Variants in ZNF469 observed in about 807,000 individuals in gnomAD.
The protein encoded by ZNF469 is zinc finger protein 469.
A neutral mutation model predicts 1.0 loss-of-function variants in ZNF469; 1 was observed. The ratio of observed to expected loss-of-function variants is 1.00; its 90% CI spans 0.35 to 4.73. ZNF469 has a LOEUF of 4.73. ZNF469 is among the 30% of genes most tolerant of loss of function. ZNF469 has a pLI of 0.16. For missense variants in ZNF469, 6,100 were observed against 5,356.3 expected (o/e 1.14, Z -4.33); for synonymous variants, 2,703 against 2,363.4 (o/e 1.14, Z -4.17).
chr16:88,435,627 T>G lies in ZNF469; in HGVS notation c.8157T>G (p.Thr2719=). The stretch of plus-strand genomic sequence containing the variant: ...AGGAGGCTCTGTGTGCAGGGGAGAC[T>G]GGGGCCCAGAAGCCACCTGGAGATC... ...TDQEALCAGE[T]GAQKPPGDRM... The change falls in exon 3 of 3, where the codon ACT becomes ACG. Residue 2719 remains threonine (T), a synonymous_variant. Transcript: ENST00000565624. The G allele has an allele frequency of 6.5e-7, 1 of 1,550,304 alleles. No homozygotes were observed. Among genetic ancestry groups the G allele is most frequent in the Non-Finnish European group, 8.7e-7 (1 of 1,146,952 alleles).
chr16:88,440,416 A>G lies in ZNF469; in HGVS notation c.*1084A>G, dbSNP rs1365003397. On this transcript the variant is annotated 3_prime_UTR_variant, in exon 3 of 3. Coordinates refer to ENST00000565624, the MANE Select transcript of ZNF469 (RefSeq NM_001367624.2). Reference sequence around the variant, plus strand: ...TGCACCGACCCAACCCAGGCCTGGGACGCACGTGTCCTCTCACAGCGTCGT... The same window carrying G: ...TGCACCGACCCAACCCAGGCCTGGGGCGCACGTGTCCTCTCACAGCGTCGT... The G allele has an allele frequency of 2.0e-5, 3 of 151,542 alleles. No individual in the cohort carries two copies. The highest frequency in any genetic ancestry group is 4.4e-5 in the Non-Finnish European group (3 of 67,896). 9.4% of individuals were successfully genotyped at this position (151,542 alleles called of 1,614,324 possible).
chr16:88,101,821 A>G, the ZNF469 span, among the ~76,000 whole-genome samples: 2 of 152,310 alleles, frequency 1.3e-5, no homozygotes, highest in East Asian at 3.9e-4. Flanking sequence ...TGACAATCGC[A>G]GCTTCCAAAC....
the ZNF469 span, among the ~76,000 whole-genome samples, chr16:88,133,998 G>C: frequency 6.6e-6 from 1 of 152,212 alleles, no homozygotes; most frequent in African/African-American, 2.4e-5. Context: ...GAGAGGCTGA[G>C]GCAGGACAAT....
At chr16:88,371,464 A>G in the ZNF469 span, among the ~76,000 whole-genome samples, 1 of 152,224 alleles carries the variant, frequency 6.6e-6, no homozygotes, top group Non-Finnish European at 1.5e-5. Context: ...GGCCAGGCAG[A>G]TCTGATCATC....
At chr16:88,399,565 A>G (rs11076690) in intron 1 of ZNF469, among the ~76,000 whole-genome samples, 39,134 of 152,208 alleles carry the variant, frequency 0.26, 5,614 homozygotes, top group African/African-American at 0.39. Context: ...AGGCTGGAGC[A>G]GGGACAACCT....
the ZNF469 span, among the ~76,000 whole-genome samples, chr16:88,152,166 A>C: frequency 6.6e-6 from 1 of 152,232 alleles, no homozygotes; most frequent in Non-Finnish European, 1.5e-5. The surrounding 1 kb of genome is among the most constrained non-coding windows in gnomAD (Gnocchi z 4.2). Context: ...AACAATTCTG[A>C]GAACTGTAGC....
the ZNF469 span, among the ~76,000 whole-genome samples, chr16:88,203,922 G>T: frequency 6.6e-6 from 1 of 152,310 alleles, no homozygotes. Context: ...TAGCAAGTGT[G>T]GGTTTTGAAA....
intron 1 of ZNF469, among the ~76,000 whole-genome samples, chr16:88,409,181 G>A (rs1472292143): frequency 1.3e-5 from 2 of 152,242 alleles, no homozygotes; most frequent in East Asian, 1.9e-4. Context: ...GATGTGTCTG[G>A]GCTCAGGTCA....
rs981130895 is a variant in ZNF469, at chr16:88,438,183, G to A, written c.10713G>A (p.Leu3571=). 4.5e-6 allele frequency: 7 copies of A among 1,548,868 alleles called. No homozygotes were observed. Among genetic ancestry groups the A allele is most frequent in the African/African-American group, 1.4e-5 (1 of 73,032 alleles). The change falls in exon 3 of 3, where the codon CTG becomes CTA. Residue 3571 remains leucine, a synonymous_variant. Coordinates refer to ENST00000565624, the MANE Select transcript of ZNF469 (RefSeq NM_001367624.2). The part of the protein sequence containing the change: ...ALADGRGDCA[L]DGALERPENE... Reference sequence around the variant, plus strand: ...CTGATGGCAGAGGAGACTGCGCGCTGGACGGAGCCCTGGAGAGGCCAGAGA... The same window carrying A: ...CTGATGGCAGAGGAGACTGCGCGCTAGACGGAGCCCTGGAGAGGCCAGAGA...
chr16:88,426,903 A>C lies in ZNF469; in HGVS notation c.-126-442A>C, dbSNP rs143634267. Reference sequence around the variant, plus strand: ...TCAAGGCCCTCCCCATGGCAGGTGTAAGCATCCACCTGGGCCCTCCTGGAC... The same window carrying C: ...TCAAGGCCCTCCCCATGGCAGGTGTCAGCATCCACCTGGGCCCTCCTGGAC... On this transcript the variant is annotated intron_variant, in intron 2 of 2. Transcript: ENST00000565624. 2.1e-3 allele frequency among the ~76,000 whole-genome samples: 325 copies of C among 152,180 alleles called. 1 individual carries two copies. The highest frequency in any genetic ancestry group is 7.3e-3 in the African/African-American group (305 of 41,520).
At chr16:88,154,118 C>G in the ZNF469 span, among the ~76,000 whole-genome samples, 2 of 152,190 alleles carry the variant, frequency 1.3e-5, no homozygotes, top group Non-Finnish European at 2.9e-5. Context: ...CCTTGCCAAG[C>G]CTTCATGCTT....
rs1906243269 is a variant in ZNF469 at position 88,432,202 on chromosome 16, A to T, written c.4732A>T (p.Ser1578Cys). 5.8e-6 allele frequency: 9 copies of T among 1,550,152 alleles called. No individual in the cohort carries two copies. The highest frequency in any genetic ancestry group is 7.0e-6 in the Non-Finnish European group (8 of 1,146,964). ...CGAATTAGAAAGTCAGCTGCAAAGG[A>T]GCAAAGACACACGTGGGGCCCCGAG... ...VTELESQLQR[S>C]KDTRGAPREL... Residue 1578 changes from serine to cysteine, a missense_variant, in exon 3 of 3, where the codon AGC (serine) becomes TGC (cysteine). Coordinates refer to ENST00000565624, the MANE Select transcript of ZNF469 (RefSeq NM_001367624.2).
the ZNF469 span, among the ~76,000 whole-genome samples, chr16:88,265,827 C>A: frequency 6.6e-6 from 1 of 152,250 alleles, no homozygotes; most frequent in Non-Finnish European, 1.5e-5. Flanking sequence ...CCGCTGGCTT[C>A]TCCACTCCCT....
chr16:88,313,802 T>C, the ZNF469 span, among the ~76,000 whole-genome samples: 1 of 151,850 alleles, frequency 6.6e-6, no homozygotes, highest in Non-Finnish European at 1.5e-5. Flanking sequence ...TGCTGTGGAC[T>C]GTCATCTCTG....
At chr16:88,375,189 C>T in the ZNF469 span, among the ~76,000 whole-genome samples, 1 of 152,218 alleles carries the variant, frequency 6.6e-6, no homozygotes, top group Non-Finnish European at 1.5e-5. Context: ...GAAAACAAGT[C>T]ACCCAGAAAA....
the ZNF469 span, among the ~76,000 whole-genome samples, chr16:88,139,811 G>C: frequency 6.6e-6 from 1 of 152,210 alleles, no homozygotes; most frequent in Non-Finnish European, 1.5e-5. Context: ...CGACACCTGA[G>C]TCTGGTGACT....
At chr16:88,296,533 T>C in the ZNF469 span, among the ~76,000 whole-genome samples, 1 of 146,358 alleles carries the variant, frequency 6.8e-6, no homozygotes, top group Non-Finnish European at 1.5e-5. Context: ...CACACACAGG[T>C]GCACATACAC....
the ZNF469 span, among the ~76,000 whole-genome samples, chr16:88,326,774 G>T: frequency 6.6e-6 from 1 of 152,136 alleles, no homozygotes; most frequent in African/African-American, 2.4e-5. Context: ...TGACACCCAG[G>T]CCTTCCCTGG....
the ZNF469 span, among the ~76,000 whole-genome samples, chr16:88,300,865 G>A: frequency 6.6e-6 from 1 of 152,210 alleles, no homozygotes. Flanking sequence ...AGGAGTTGGA[G>A]ACCAGCCTGG....
Sources: gnomAD v4.1 joint callset for allele counts (sites outside exome capture counted in the v4.1 genomes callset) on GRCh38, gnomAD v4.1.1 for gene constraint, Gnocchi (gnomAD v3.1) non-coding constraint, MANE v1.5 for transcripts, NCBI Gene and HGNC (gene_info 2026-07-23, HGNC 2026-07-21) for gene names.